MPPED2: variants seen among roughly 807,000 people sequenced by gnomAD.
The protein encoded by MPPED2 is metallophosphoesterase MPPED2.
Under a neutral mutation model 33.0 loss-of-function variants are expected in MPPED2, and 5 were observed. The observed-to-expected ratio is 0.15, with a 90% CI of 0.08 to 0.32. The LOEUF (loss-of-function observed/expected upper bound fraction) is 0.32, where lower values mean the gene tolerates loss of function less well. MPPED2 is among the 10% of genes least tolerant of loss of function. MPPED2 has a pLI of 1.00. For synonymous variants in MPPED2, 136 were observed against 141.9 expected (o/e 0.96, Z 0.29); for missense variants, 275 against 372.1 (o/e 0.74, Z 2.15).
intron 4 of MPPED2, among the ~76,000 whole-genome samples, chr11:30,473,092 A>C (rs1951019056): frequency 6.6e-6 from 1 of 152,206 alleles, no homozygotes. Context: ...TGTTCCAAAA[A>C]AGTATCTTTA....
chr11:30,405,344 C>T (rs1046434827), downstream of MPPED2, among the ~76,000 whole-genome samples: 3 of 152,158 alleles, frequency 2.0e-5, no homozygotes, highest in African/African-American at 7.2e-5. Context: ...TGTTCAGATG[C>T]ACCTCATGGT....
intron 3 of MPPED2, among the ~76,000 whole-genome samples, chr11:30,530,866 G>A (rs187607889): frequency 1.3e-5 from 2 of 152,202 alleles, no homozygotes; most frequent in Non-Finnish European, 2.9e-5. Flanking sequence ...CAGGGCCAAC[G>A]TGCAGGAAGA....
At chr11:30,572,392 G>T (rs751239454) in intron 2 of MPPED2, among the ~76,000 whole-genome samples, 1 of 152,068 alleles carries the variant, frequency 6.6e-6, no homozygotes, top group African/African-American at 2.4e-5. Context: ...CACAAGACAG[G>T]TGCCCTCAGG....
At chr11:30,492,336 A>C (rs1952021859) in intron 4 of MPPED2, among the ~76,000 whole-genome samples, 1 of 152,190 alleles carries the variant, frequency 6.6e-6, no homozygotes, top group Admixed American at 6.5e-5. Context: ...ATAATGGAGG[A>C]AGTTTGTTGC....
chr11:30,536,902 T>C lies in MPPED2; in HGVS notation c.129-727A>G, dbSNP rs1030960158. 3.9e-5 allele frequency among the ~76,000 whole-genome samples: 6 copies of C among 152,316 alleles called. No homozygotes were observed. In the South Asian group the frequency reaches 1.2e-3, roughly 32 times the overall value. On this transcript the variant is annotated intron_variant, in intron 2 of 6. Transcript: ENST00000358117. ...GGTTACCAGGAATGCTCAAATGCCT[T>C]GGGCAAAGATTCTATTCAGTACAAA...
downstream of MPPED2, among the ~76,000 whole-genome samples, chr11:30,409,201 T>A (rs1948035396): frequency 6.6e-6 from 1 of 152,134 alleles, no homozygotes; most frequent in South Asian, 2.1e-4. Context: ...GAGGCCTGAG[T>A]CTCTGGCTTC....
intron 4 of MPPED2, among the ~76,000 whole-genome samples, chr11:30,463,859 T>C (rs1235336157): frequency 6.6e-6 from 1 of 151,972 alleles, no homozygotes; most frequent in African/African-American, 2.4e-5. Context: ...TTTATATATA[T>C]ATATATACAC....
chr11:30,541,759 A>G (rs1955133175), intron 2 of MPPED2, among the ~76,000 whole-genome samples: 1 of 152,106 alleles, frequency 6.6e-6, no homozygotes, highest in South Asian at 2.1e-4. Flanking sequence ...CGCCTGGCTA[A>G]TTTTGGTATT....
In MPPED2 at chr11:30,524,298, G is replaced by T. The variant is rs1321374913; in HGVS notation, c.310+11696C>A. On this transcript the variant is annotated intron_variant, in intron 3 of 6. Transcript: ENST00000358117. ...AAATAAAAATAAGAGAGAGAACAGG[G>T]GAGAAAACAGTAACACACAAGTCCA... 2.0e-5 allele frequency among the ~76,000 whole-genome samples: 3 copies of T among 151,872 alleles called. No homozygotes were observed. In the South Asian group the frequency reaches 6.3e-4, roughly 32 times the overall value.
intron 4 of MPPED2, among the ~76,000 whole-genome samples, chr11:30,444,100 G>A (rs893806706): frequency 6.6e-6 from 1 of 152,138 alleles, no homozygotes; most frequent in Non-Finnish European, 1.5e-5. Context: ...AAAACAAGTC[G>A]ATAAGCAAAT....
At chr11:30,505,166 A>G (rs1952763243) in intron 3 of MPPED2, among the ~76,000 whole-genome samples, 1 of 152,166 alleles carries the variant, frequency 6.6e-6, no homozygotes, top group Non-Finnish European at 1.5e-5. Context: ...ATTAATATCC[A>G]CAATTTTTAG....
chr11:30,536,137 C>G lies in MPPED2; in HGVS notation c.167G>C (p.Gly56Ala). 1.1e-5 allele frequency: 18 copies of G among 1,611,508 alleles called. No homozygotes were observed. Among genetic ancestry groups the G allele is most frequent in the Non-Finnish European group, 1.4e-5 (17 of 1,178,982 alleles). The change falls in exon 3 of 7, where the codon GGC becomes GCC. Residue 56 changes from glycine to alanine, a missense_variant. Coordinates refer to ENST00000358117, the MANE Select transcript of MPPED2 (RefSeq NM_001584.3). ...PIPYDTPKPA[G>A]HTRFVCISDT... ...TGAGATGCAGACAAACCGCGTGTGG[C>G]CCGCTGGTTTTGGAGTGTCATATGG...
At chr11:30,509,302 C>T (rs1953011760) in intron 3 of MPPED2, among the ~76,000 whole-genome samples, 1 of 152,120 alleles carries the variant, frequency 6.6e-6, no homozygotes, top group African/African-American at 2.4e-5. Flanking sequence ...GAACTATATA[C>T]ATGACACAAA....
In MPPED2 at chr11:30,554,647, A is replaced by C. The variant is rs141092894; in HGVS notation, c.129-18472T>G. Reference sequence around the variant, plus strand: ...GTAGCTGGGATTACAGGGGCCTGCCACGACGCCCAGCTAATTTTTGCATTT... The same window carrying C: ...GTAGCTGGGATTACAGGGGCCTGCCCCGACGCCCAGCTAATTTTTGCATTT... On this transcript the variant is annotated intron_variant, in intron 2 of 6. Coordinates refer to ENST00000358117, the MANE Select transcript of MPPED2 (RefSeq NM_001584.3). Among the ~76,000 whole-genome samples, 52 of 152,148 alleles carry C rather than the reference A, an allele frequency of 3.4e-4. 1 individual carries two copies. The East Asian group carries it at 9.7e-3, about 28-fold the overall frequency.
chr11:30,462,328 A>G (rs1950543060), intron 4 of MPPED2, among the ~76,000 whole-genome samples: 1 of 152,196 alleles, frequency 6.6e-6, no homozygotes, highest in Admixed American at 6.5e-5. Flanking sequence ...GTATGAACTC[A>G]TTTGTGTGAT....
In MPPED2 at chr11:30,388,787, C is replaced by T. The variant is rs574805189; in HGVS notation, c.*102G>A. On this transcript the variant is annotated 3_prime_UTR_variant, in exon 7 of 7. Coordinates refer to the MPPED2 transcript ENST00000448418. ...CAAGGAGAGGCATCTTCCTTCCTTC[C>T]TGTGTGCCTCTCTAGTTCTTGATTC... The T allele has an allele frequency of 7.2e-5, 96 of 1,340,902 alleles. No homozygotes were observed. In the African/African-American group the frequency reaches 1.3e-3, roughly 18 times the overall value. The allele number at this position is 1,340,902 out of a possible 1,614,324, so 83.1% of individuals were successfully genotyped here. A position where few individuals can be genotyped will look rare whatever the true frequency, so the allele number is the denominator to read the frequency against.
chr11:30,481,200 A>G (rs991909456), intron 4 of MPPED2, among the ~76,000 whole-genome samples: 3 of 152,106 alleles, frequency 2.0e-5, no homozygotes. Context: ...CTAGACTATA[A>G]TATGAATAAT....
chr11:30,516,212 C>A (rs1231721837), intron 3 of MPPED2, among the ~76,000 whole-genome samples: 2 of 152,068 alleles, frequency 1.3e-5, no homozygotes, highest in Admixed American at 1.3e-4. Flanking sequence ...GTGCTGAAAC[C>A]CCTTCAGAAA....
chr11:30,518,960 A>T (rs957232810), intron 3 of MPPED2, among the ~76,000 whole-genome samples: 5 of 152,180 alleles, frequency 3.3e-5, no homozygotes, highest in African/African-American at 1.2e-4. Context: ...GTATGCTTAA[A>T]ATATTCATTT....
Sources: gnomAD v4.1 joint callset for allele counts (sites outside exome capture counted in the v4.1 genomes callset) on GRCh38, gnomAD v4.1.1 for gene constraint, MANE v1.5 for transcripts, NCBI Gene and HGNC (gene_info 2026-07-23, HGNC 2026-07-21) for gene names.